The following ZKSCAN8 variants were observed in gnomAD, a reference collection of about 807,000 sequenced individuals.
ZKSCAN8 encodes zinc finger with KRAB and SCAN domains 8.
In ZKSCAN8, 27 loss-of-function variants were observed where a neutral mutation model predicts 57.2. The ratio of observed to expected loss-of-function variants is 0.47; its 90% CI spans 0.35 to 0.65. The LOEUF (loss-of-function observed/expected upper bound fraction) is 0.65, where lower values mean the gene tolerates loss of function less well. ZKSCAN8 is among the 30% of genes least tolerant of loss of function. The probability of loss-of-function intolerance (pLI) is 0.01; values close to 1 mark genes in which losing one functional copy is unlikely to be tolerated. For synonymous variants in ZKSCAN8, 214 were observed against 248.7 expected (o/e 0.86, Z 1.31); for missense variants, 597 against 696.3 (o/e 0.86, Z 1.60).
Position 28,144,370 on chromosome 6 carries a change from A to T in ZKSCAN8, c.-93+2341A>T, listed in dbSNP as rs1385964876. 1 of 152,316 alleles carries T rather than the reference A, an allele frequency of 6.6e-6. No homozygotes were observed. Among genetic ancestry groups the T allele is most frequent in the Non-Finnish European group, 1.5e-5 (1 of 68,124 alleles). The allele number at this position is 152,316 out of a possible 1,614,324, so 9.4% of individuals were successfully genotyped here. A position where few individuals can be genotyped will look rare whatever the true frequency, so the allele number is the denominator to read the frequency against. On this transcript the variant is annotated intron_variant, in intron 1 of 5. Coordinates refer to ENST00000330236, the MANE Select transcript of ZKSCAN8 (RefSeq NM_006298.4). The surrounding 1 kb of genome is among the most constrained non-coding windows in gnomAD (Gnocchi z 4.5). Reference sequence around the variant, plus strand: ...AAACCAACCCCCCTCGCCCCGTGCCACAACTCCAAAAACTGAAAAGATAAG... The same window carrying T: ...AAACCAACCCCCCTCGCCCCGTGCCTCAACTCCAAAAACTGAAAAGATAAG...
intron 1 of ZKSCAN8, among the ~76,000 whole-genome samples, chr6:28,143,338 C>T (rs754437346): frequency 2.0e-5 from 3 of 152,182 alleles, no homozygotes; most frequent in Non-Finnish European, 4.4e-5. Flanking sequence ...TCAAGATGAG[C>T]AATGGGCAAG....
chr6:28,153,488 A>C lies in ZKSCAN8; in HGVS notation c.1208A>C (p.Glu403Ala). Residue 403 changes from glutamate to alanine, a missense_variant, in exon 6 of 6, where the codon GAG becomes GCG. By Grantham distance (107) the Glu-to-Ala change is moderately radical (BLOSUM62 -1). Transcript: ENST00000330236. ...LILHQRIHTG[E>A]KPYQCNQCGK... is the part of the protein sequence containing the mutation. ...CTGCACCAGAGAATCCACACTGGGG[A>C]GAAGCCATATCAGTGCAATCAGTGT... The C allele has an allele frequency of 6.2e-7, 1 of 1,612,508 alleles. No homozygotes were observed. The highest frequency in any genetic ancestry group is 8.5e-7 in the Non-Finnish European group (1 of 1,178,546).
chr6:28,146,959 C>G (rs765202657), intron 1 of ZKSCAN8, among the ~76,000 whole-genome samples: 1 of 152,000 alleles, frequency 6.6e-6, no homozygotes, highest in Admixed American at 6.6e-5. Flanking sequence ...AAACCTAAAA[C>G]TATAAAACTT....
In ZKSCAN8 at chr6:28,154,148, A is replaced by G. The variant is rs747911812; in HGVS notation, c.*131A>G. 1.9e-5 allele frequency: 26 copies of G among 1,348,042 alleles called. No individual in the cohort carries two copies. Among genetic ancestry groups the G allele is most frequent in the Non-Finnish European group, 2.2e-5 (22 of 1,005,514 alleles). 83.5% of individuals were successfully genotyped at this position (1,348,042 alleles called of 1,614,324 possible). A position where few individuals can be genotyped will look rare whatever the true frequency, so the allele number is the denominator to read the frequency against. On this transcript the variant is annotated 3_prime_UTR_variant, in exon 6 of 6. Coordinates refer to ENST00000330236, the MANE Select transcript of ZKSCAN8 (RefSeq NM_006298.4). ...GTGTCAGAATCTATAGTGGTGGCAA[A>G]GTTAGGATAGCTCTTTAGTAATTTG...
intron 2 of ZKSCAN8, 41 bp from the exon 3 acceptor site, chr6:28,149,442 G>T: frequency 1.9e-6 from 3 of 1,608,210 alleles, no homozygotes; most frequent in African/African-American, 1.3e-5. Context: ...ATTACATTTC[G>T]CAAAGGGATT....
chr6:28,153,368 C>T lies in ZKSCAN8; in HGVS notation c.1088C>T (p.Ser363Leu), dbSNP rs1765666447. The stretch of plus-strand genomic sequence containing the variant: ...TGTGGTAAAGCCTTCAGTTACAGGT[C>T]AGCCCTTCTTTCACATCAGGATATC... ...NVCGKAFSYR[S>L]ALLSHQDIHN... The change falls in exon 6 of 6, where the codon TCA (serine) becomes TTA (leucine). Residue 363 changes from serine (S) to leucine (L), a missense_variant. Physicochemically the swap from Ser to Leu is moderately radical, Grantham distance 145. Coordinates refer to ENST00000330236, the MANE Select transcript of ZKSCAN8 (RefSeq NM_006298.4). 2 of 1,613,948 alleles carry T rather than the reference C, an allele frequency of 1.2e-6. No homozygotes were observed. Among genetic ancestry groups the T allele is most frequent in the Non-Finnish European group, 1.7e-6 (2 of 1,180,010 alleles).
chr6:28,151,420 A>C (rs569460344), intron 3 of ZKSCAN8, among the ~76,000 whole-genome samples: 1 of 151,952 alleles, frequency 6.6e-6, no homozygotes, highest in South Asian at 2.2e-4. Context: ...TTTAATATCT[A>C]TAGAAAGCAA....
rs1197616747 is a variant in ZKSCAN8, at chr6:28,154,751, AT to A, written c.*736del. On this transcript the variant is annotated 3_prime_UTR_variant, in exon 6 of 6. Coordinates refer to ENST00000330236, the MANE Select transcript of ZKSCAN8 (RefSeq NM_006298.4). Reference sequence around the variant, plus strand: ...CTGTGTCAGTAAAGAAAGTGGACACATTAGTAATGGTTATGGGAGTAATACA... The same window carrying A: ...CTGTGTCAGTAAAGAAAGTGGACACATAGTAATGGTTATGGGAGTAATACA... 1 of 152,718 alleles carries A rather than the reference AT, an allele frequency of 6.5e-6. No homozygotes were observed. The highest frequency in any genetic ancestry group is 1.5e-5 in the Non-Finnish European group (1 of 68,074). The allele number at this position is 152,718 out of a possible 1,614,324, so 9.5% of individuals were successfully genotyped here. A position where few individuals can be genotyped will look rare whatever the true frequency, so the allele number is the denominator to read the frequency against.
chr6:28,153,334 T>C lies in ZKSCAN8; in HGVS notation c.1054T>C (p.Cys352Arg). Residue 352 changes from cysteine (C) to arginine (R), a missense_variant, in exon 6 of 6, where the codon TGT (cysteine) becomes CGT (arginine). Coordinates refer to ENST00000330236, the MANE Select transcript of ZKSCAN8 (RefSeq NM_006298.4). ...CCACACTGGGGAGAAACCCTATCAGTGTAATGTGTGTGGTAAAGCCTTCAG... is the reference window on the plus strand; with the variant it reads ...CCACACTGGGGAGAAACCCTATCAGCGTAATGTGTGTGGTAAAGCCTTCAG... ...RIHTGEKPYQ[C>R]NVCGKAFSYR... The C allele has an allele frequency of 3.7e-6, 6 of 1,614,082 alleles. No individual in the cohort carries two copies. In the South Asian group the frequency reaches 6.6e-5, roughly 18 times the overall value.
chr6:28,149,659 G>T (rs745574554), intron 3 of ZKSCAN8, 35 bp downstream of exon 3: 19 of 1,609,994 alleles, frequency 1.2e-5, no homozygotes, highest in Non-Finnish European at 1.6e-5. Context: ...ATAAGGGGGG[G>T]AAGTACAAAT....
At chr6:28,146,498 G>A (rs1355711694) in intron 1 of ZKSCAN8, among the ~76,000 whole-genome samples, 1 of 152,176 alleles carries the variant, frequency 6.6e-6, no homozygotes, top group Non-Finnish European at 1.5e-5. Flanking sequence ...GAGACACATT[G>A]TGTTCACGGA....
intron 1 of ZKSCAN8, among the ~76,000 whole-genome samples, chr6:28,142,822 A>G (rs764339256): frequency 1.3e-5 from 2 of 152,260 alleles, no homozygotes; most frequent in Non-Finnish European, 2.9e-5. Flanking sequence ...AAAATGTGAT[A>G]GATGTTAATT....
At position 28,148,325 on chromosome 6, in the gene ZKSCAN8, TAGAA is replaced by T. The variant is rs1392908325; in HGVS notation, c.-79_-76del. ...TATTTTCTTCATGAAGAAGTACCCTTAGAAAGAGGCCCTCAGAAGAGTCTTCTCT... is the reference window on the plus strand; with the variant it reads ...TATTTTCTTCATGAAGAAGTACCCTTAGAGGCCCTCAGAAGAGTCTTCTCT... On this transcript the variant is annotated 5_prime_UTR_variant, in exon 2 of 6. Coordinates refer to ENST00000330236, the MANE Select transcript of ZKSCAN8 (RefSeq NM_006298.4). 5.6e-6 allele frequency: 8 copies of T among 1,427,396 alleles called. No homozygotes were observed. Among genetic ancestry groups the T allele is most frequent in the Admixed American group, 2.3e-5 (1 of 42,678 alleles). The allele number at this position is 1,427,396 out of a possible 1,614,324, so 88.4% of individuals were successfully genotyped here. A position where few individuals can be genotyped will look rare whatever the true frequency, so the allele number is the denominator to read the frequency against.
intron 5 of ZKSCAN8, 143 bp downstream of exon 5, chr6:28,152,527 G>A: frequency 8.4e-7 from 1 of 1,196,164 alleles, no homozygotes; most frequent in Non-Finnish European, 1.1e-6. Context: ...GAGATTTCTT[G>A]AAATCTTACG....
At chr6:28,141,714 C>G (rs907020609), upstream of ZKSCAN8, among the ~76,000 whole-genome samples, 3 of 152,256 alleles carry the variant, frequency 2.0e-5, no homozygotes, top group Admixed American at 6.5e-5. Flanking sequence ...CCAGCGACAG[C>G]GCAAGCCTGA....
Position 28,149,561 on chromosome 6 carries a change from A to T in ZKSCAN8, c.496A>T (p.Thr166Ser), listed in dbSNP as rs1384639938. The stretch of plus-strand genomic sequence containing the variant: ...AGCATCTGCACCAGAGCCTCCAAAT[A>T]CTCAGCTCCAATCTGAGGCAACCCA... ...HSASAPEPPN[T>S]QLQSEATQHK... The change falls in exon 3 of 6, where the codon ACT (threonine) becomes TCT (serine). Residue 166 changes from threonine to serine, a missense_variant. Thr to Ser is a moderately conservative substitution (Grantham distance 58). Transcript: ENST00000330236. 1 of 1,614,100 alleles carries T rather than the reference A, an allele frequency of 6.2e-7. No homozygotes were observed.
rs373356722 is a variant in ZKSCAN8 at position 28,148,505 on chromosome 6, G to A, written c.98G>A (p.Trp33Ter). 1 of 1,614,154 alleles carries A rather than the reference G, an allele frequency of 6.2e-7. No individual in the cohort carries two copies. Among genetic ancestry groups the A allele is most frequent in the Non-Finnish European group, 8.5e-7 (1 of 1,180,026 alleles). The change falls in exon 2 of 6, where the codon TGG (tryptophan) becomes TAG (stop). Residue 33 changes from tryptophan to a stop codon, truncating the protein, a stop_gained. Transcript: ENST00000330236. LOFTEE classifies it high-confidence loss of function. ...GTCAAGGTAGAGGAGGATCATGGTT[G>A]GGACCAGGAATCTAGTCTGCATGAA... Reference protein sequence around the residue: ...VIVKVEEDHGWDQESSLHESN... With the variant: ...VIVKVEEDHG
At position 28,152,059 on chromosome 6, in the gene ZKSCAN8, C is replaced by A. The variant is rs1051555340; in HGVS notation, c.651+123C>A. The A allele has an allele frequency of 3.6e-6, 5 of 1,388,444 alleles. No homozygotes were observed. In the African/African-American group the frequency reaches 4.3e-5, roughly 12 times the overall value. 86.0% of individuals were successfully genotyped at this position (1,388,444 alleles called of 1,614,324 possible). ...TACCCAAAAAGTTGTCCCAAAAATTCTTTTGCCTAGGGACAGATTGATCCT... is the reference window on the plus strand; with the variant it reads ...TACCCAAAAAGTTGTCCCAAAAATTATTTTGCCTAGGGACAGATTGATCCT... On this transcript the variant is annotated intron_variant, in intron 4 of 5. Coordinates refer to ENST00000330236, the MANE Select transcript of ZKSCAN8 (RefSeq NM_006298.4).
At chr6:28,143,320 T>TA (rs1428415190) in intron 1 of ZKSCAN8, among the ~76,000 whole-genome samples, 1 of 152,252 alleles carries the variant, frequency 6.6e-6, no homozygotes, top group Non-Finnish European at 1.5e-5. Flanking sequence ...AGCCACTAAA[T>TA]AGAATAATCA....
Sources: gnomAD v4.1 joint callset for allele counts (sites outside exome capture counted in the v4.1 genomes callset) on GRCh38, gnomAD v4.1.1 for gene constraint, Gnocchi (gnomAD v3.1) non-coding constraint, MANE v1.5 for transcripts, NCBI Gene and HGNC (gene_info 2026-07-23, HGNC 2026-07-21) for gene names.